The following PODXL variants were observed in gnomAD, a reference collection of about 807,000 sequenced individuals.
The protein encoded by PODXL is podocalyxin.
PODXL carries 20 observed loss-of-function variants against 48.9 expected under a neutral mutation model. The observed-to-expected ratio is 0.41, with a 90% CI of 0.29 to 0.59. The LOEUF (loss-of-function observed/expected upper bound fraction) is 0.59. Ranked by LOEUF, PODXL falls within the 20% of genes least tolerant of loss-of-function variation. The pLI is 0.31. For missense variants in PODXL, 606 were observed against 675.1 expected (o/e 0.90, Z 1.13); for synonymous variants, 295 against 287.4 (o/e 1.03, Z -0.27).
chr7:131,510,870 G>C lies in PODXL; in HGVS notation c.664C>G (p.Pro222Ala). Residue 222 changes from proline to alanine, a missense_variant, in exon 2 of 9, where the codon CCT becomes GCT. Physicochemically the swap from Pro to Ala is conservative, Grantham distance 27 (BLOSUM62 -1). Transcript: ENST00000378555. Reference protein sequence around the residue: ...ISSSSSTVAIPGYTFTSPGMT... With the variant: ...ISSSSSTVAIAGYTFTSPGMT... ...CCCGGGCTTGTGAAGGTGTAGCCAG[G>C]GATAGCCACAGTGCTTGAACTGCTT... 1.2e-6 allele frequency: 2 copies of C among 1,614,112 alleles called. No homozygotes were observed. The highest frequency in any genetic ancestry group is 1.7e-6 in the Non-Finnish European group (2 of 1,180,004).
intron 1 of PODXL, among the ~76,000 whole-genome samples, chr7:131,542,926 T>C (rs1169330211): frequency 6.6e-6 from 1 of 152,138 alleles, no homozygotes; most frequent in East Asian, 1.9e-4. Context: ...TGGTCTTTGC[T>C]GGCACAAGGT....
chr7:131,551,739 T>C (rs1282028425), intron 1 of PODXL, among the ~76,000 whole-genome samples: 1 of 151,542 alleles, frequency 6.6e-6, no homozygotes, highest in African/African-American at 2.4e-5. Context: ...GATCGAGACC[T>C]TCCTGGCTAA....
chr7:131,517,871 T>A (rs1798026859), intron 1 of PODXL, among the ~76,000 whole-genome samples: 3 of 152,110 alleles, frequency 2.0e-5, no homozygotes, highest in Admixed American at 2.0e-4. Flanking sequence ...CCCAAGTACC[T>A]GGGACCACAG....
At chr7:131,520,327 T>C (rs767225611) in intron 1 of PODXL, 1 of 529,304 alleles carries the variant, frequency 1.9e-6, no homozygotes. Flanking sequence ...TGCGCATTGA[T>C]ACCAGGCTCA....
intron 1 of PODXL, among the ~76,000 whole-genome samples, chr7:131,513,200 T>C (rs1797943272): frequency 6.6e-6 from 1 of 151,194 alleles, no homozygotes; most frequent in Non-Finnish European, 1.5e-5. Flanking sequence ...GAAAGAAGAG[T>C]GTGTGGAAGA....
At chr7:131,525,702 G>A (rs928012280) in intron 1 of PODXL, among the ~76,000 whole-genome samples, 14 of 151,882 alleles carry the variant, frequency 9.2e-5, no homozygotes, top group African/African-American at 2.9e-4. Flanking sequence ...ATACTGTAAC[G>A]AACTGCATAA....
intron 1 of PODXL, among the ~76,000 whole-genome samples, chr7:131,533,134 G>A (rs769709181): frequency 4.6e-5 from 7 of 152,148 alleles, no homozygotes; most frequent in African/African-American, 9.7e-5. Flanking sequence ...CCCAACGTGC[G>A]CCCCTTACCC....
intron 1 of PODXL, among the ~76,000 whole-genome samples, chr7:131,524,379 C>CACAGAGAGAGAGAGAGAGAGAGAGAGAG (rs746255906): frequency 3.6e-4 from 37 of 104,076 alleles, no homozygotes; most frequent in Middle Eastern, 4.6e-3. Context: ...CACACACACA[C>CACAGAGAGAGAGAGAGAGAGAGAGAGAG]AGAGAGAGAG....
At chr7:131,536,505 C>T (rs1798376091) in intron 1 of PODXL, among the ~76,000 whole-genome samples, 1 of 152,100 alleles carries the variant, frequency 6.6e-6, no homozygotes, top group African/African-American at 2.4e-5. Context: ...ATGGTGCTTA[C>T]ACCCTCGGGC....
At chr7:131,548,121 C>G (rs1298408694) in intron 1 of PODXL, among the ~76,000 whole-genome samples, 1 of 152,200 alleles carries the variant, frequency 6.6e-6, no homozygotes, top group Non-Finnish European at 1.5e-5. Flanking sequence ...CCCTCAGGAC[C>G]AGAAGGCTAC....
chr7:131,556,144 T>C (rs1230129951), intron 1 of PODXL, 116 bp downstream of exon 1: 39 of 1,290,924 alleles, frequency 3.0e-5, no homozygotes, highest in Non-Finnish European at 3.9e-5. Flanking sequence ...ACCCCGGCGG[T>C]GATAGGGCTG....
rs367825197 is a variant in PODXL, at chr7:131,509,412, G to A, written c.976C>T (p.Arg326Ter). ...GTGGGAGAAGGTGTTTTGGGGTATC[G>A]GTGGGTAGTTGATGCTGCTGTGGGG... ...SSPTAASTTH[R>*]YPKTPSPTVA... Residue 326 changes from arginine (R) to a stop codon, truncating the protein, a stop_gained, in exon 4 of 9, where the codon CGA becomes TGA. Coordinates refer to ENST00000378555, the MANE Select transcript of PODXL (RefSeq NM_001018111.3). LOFTEE classifies it high-confidence loss of function. 3 of 1,614,082 alleles carry A rather than the reference G, an allele frequency of 1.9e-6. No homozygotes were observed. Among genetic ancestry groups the A allele is most frequent in the Admixed American group, 1.7e-5 (1 of 60,018 alleles).
intron 1 of PODXL, among the ~76,000 whole-genome samples, chr7:131,538,966 G>C (rs1328673500): frequency 6.6e-6 from 1 of 152,220 alleles, no homozygotes; most frequent in East Asian, 1.9e-4. Context: ...TGTGAATCCT[G>C]ATCTGTCTTC....
chr7:131,555,027 G>A (rs960121182), intron 1 of PODXL, among the ~76,000 whole-genome samples: 9 of 152,094 alleles, frequency 5.9e-5, no homozygotes, highest in Admixed American at 2.6e-4. Flanking sequence ...GGAGTCTCCC[G>A]CCGGCCACAG....
chr7:131,529,456 A>G (rs1177282796), intron 1 of PODXL, among the ~76,000 whole-genome samples: 2 of 152,032 alleles, frequency 1.3e-5, no homozygotes, highest in Admixed American at 1.3e-4. Context: ...TTGACTATTA[A>G]TAGTGGGAAA....
chr7:131,524,379 C>CACACACAGAGAGAGAGAG (rs746255906), intron 1 of PODXL, among the ~76,000 whole-genome samples: 102 of 104,110 alleles, frequency 9.8e-4, no homozygotes, highest in African/African-American at 2.7e-3. Flanking sequence ...CACACACACA[C>CACACACAGAGAGAGAGAG]AGAGAGAGAG....
intron 6 of PODXL, 51 bp downstream of exon 6, chr7:131,506,528 C>T: frequency 7.6e-6 from 12 of 1,586,044 alleles, no homozygotes; most frequent in Non-Finnish European, 9.5e-6. Context: ...TGCATGCCCC[C>T]CATTCCCACC....
chr7:131,506,502 C>A, intron 6 of PODXL, 77 bp downstream of exon 6: 1 of 1,520,566 alleles, frequency 6.6e-7, no homozygotes, highest in South Asian at 1.2e-5. Flanking sequence ...TGTGACCCAC[C>A]CTCCAATGTG....
At position 131,506,250 on chromosome 7, in the gene PODXL, G is replaced by T. The variant is rs554537963; in HGVS notation, c.1311+10C>A. On this transcript the variant is annotated intron_variant, in intron 7 of 8. Transcript: ENST00000378555. Reference sequence around the variant, plus strand: ...AGCCACTCTGTCCCCACACTTGGGGGGCCGCTTACCTCCTTTAGTTCATCC... The same window carrying T: ...AGCCACTCTGTCCCCACACTTGGGGTGCCGCTTACCTCCTTTAGTTCATCC... 1 of 1,613,874 alleles carries T rather than the reference G, an allele frequency of 6.2e-7. No homozygotes were observed. The highest frequency in any genetic ancestry group is 8.5e-7 in the Non-Finnish European group (1 of 1,179,748).
Sources: gnomAD v4.1 joint callset for allele counts (sites outside exome capture counted in the v4.1 genomes callset) on GRCh38, gnomAD v4.1.1 for gene constraint, MANE v1.5 for transcripts, NCBI Gene and HGNC (gene_info 2026-07-23, HGNC 2026-07-21) for gene names.